HPSE2: variants seen among roughly 807,000 people sequenced by gnomAD.
The protein encoded by HPSE2 is heparanase 2 (inactive), also known as inactive heparanase-2.
Under a neutral mutation model 60.5 loss-of-function variants are expected in HPSE2, and 38 were observed. The observed-to-expected ratio is 0.63, with a 90% CI of 0.48 to 0.82. The LOEUF (loss-of-function observed/expected upper bound fraction) is 0.82, where lower values mean the gene tolerates loss of function less well. HPSE2 is among the 40% of genes least tolerant of loss of function. The probability of loss-of-function intolerance (pLI) is 0.00; values close to 1 mark genes in which losing one functional copy is unlikely to be tolerated. For synonymous variants in HPSE2, 295 were observed against 293.2 expected (o/e 1.01, Z -0.06); for missense variants, 713 against 740.4 (o/e 0.96, Z 0.43).
intron 3 of HPSE2, among the ~76,000 whole-genome samples, chr10:99,125,058 G>C (rs1845111916): frequency 6.6e-6 from 1 of 152,246 alleles, no homozygotes; most frequent in Non-Finnish European, 1.5e-5. Context: ...TAAGCACTCA[G>C]CAAATGCTGT....
chr10:98,938,602 C>T (rs1360251369), intron 3 of HPSE2, among the ~76,000 whole-genome samples: 15 of 144,014 alleles, frequency 1.0e-4, no homozygotes, highest in Non-Finnish European at 1.8e-4. Context: ...ACCAAATCTA[C>T]GTCTGATTGG....
At chr10:99,291,104 T>C in the HPSE2 span, among the ~76,000 whole-genome samples, 1 of 152,106 alleles carries the variant, frequency 6.6e-6, no homozygotes, top group African/African-American at 2.4e-5. Flanking sequence ...GAAAGAATAC[T>C]GGGGAGGAAA....
chr10:98,565,789 A>C (rs1383974559), intron 9 of HPSE2, among the ~76,000 whole-genome samples: 1 of 152,180 alleles, frequency 6.6e-6, no homozygotes, highest in African/African-American at 2.4e-5. Context: ...AACACTTAAT[A>C]GGTATACTAG....
chr10:99,150,925 T>C (rs544034341), intron 2 of HPSE2, among the ~76,000 whole-genome samples: 2 of 152,156 alleles, frequency 1.3e-5, no homozygotes, highest in South Asian at 4.2e-4. Context: ...GGGTCCAAAA[T>C]GTTTTAAACA....
chr10:98,998,984 A>G (rs760720704), intron 3 of HPSE2, among the ~76,000 whole-genome samples: 10 of 152,206 alleles, frequency 6.6e-5, no homozygotes, highest in Non-Finnish European at 1.2e-4. Context: ...ACATTTATCT[A>G]TTATTGCTTG....
intron 9 of HPSE2, among the ~76,000 whole-genome samples, chr10:98,580,850 G>A (rs375425547): frequency 2.0e-5 from 2 of 99,178 alleles, no homozygotes; most frequent in Non-Finnish European, 2.3e-5. Context: ...GTGTGTGTGT[G>A]TGTGTGTGTG....
chr10:98,597,698 G>A (rs559343594), intron 9 of HPSE2, among the ~76,000 whole-genome samples: 10 of 148,094 alleles, frequency 6.8e-5, no homozygotes, highest in South Asian at 2.2e-4. Flanking sequence ...TTGCTCATCC[G>A]CATGTGTTGA....
At chr10:98,478,929 A>G (rs1043794729) in intron 11 of HPSE2, among the ~76,000 whole-genome samples, 1 of 152,166 alleles carries the variant, frequency 6.6e-6, no homozygotes, top group African/African-American at 2.4e-5. Flanking sequence ...GGGGGGTCTT[A>G]CGATTGGTTC....
chr10:98,753,308 T>C (rs953409648), intron 3 of HPSE2, among the ~76,000 whole-genome samples: 10 of 152,136 alleles, frequency 6.6e-5, no homozygotes, highest in African/African-American at 2.4e-4. Flanking sequence ...GGTGGGAATG[T>C]AAAATGCTGC....
chr10:98,808,956 C>T lies in HPSE2; in HGVS notation c.611-64900G>A, dbSNP rs183969413. Among the ~76,000 whole-genome samples, 32 of 152,212 alleles carry T rather than the reference C, an allele frequency of 2.1e-4. No homozygotes were observed. In the East Asian group the frequency reaches 4.3e-3, roughly 20 times the overall value. On this transcript the variant is annotated intron_variant, in intron 3 of 11. Coordinates refer to ENST00000370552, the MANE Select transcript of HPSE2 (RefSeq NM_021828.5). ...ATGACTGGCTTCTATTAAAACCAATCCCCCAGCAATACAAAACAGCTAATT... is the reference window on the plus strand; with the variant it reads ...ATGACTGGCTTCTATTAAAACCAATTCCCCAGCAATACAAAACAGCTAATT...
At chr10:98,733,113 A>G (rs1010326874) in intron 4 of HPSE2, among the ~76,000 whole-genome samples, 1 of 151,786 alleles carries the variant, frequency 6.6e-6, no homozygotes, top group Admixed American at 6.6e-5. Context: ...TTCATCTGTT[A>G]TTTACTATTG....
At chr10:98,833,340 G>A (rs999872914) in intron 3 of HPSE2, among the ~76,000 whole-genome samples, 1 of 152,140 alleles carries the variant, frequency 6.6e-6, no homozygotes, top group South Asian at 2.1e-4. Flanking sequence ...GATTGGTTTA[G>A]AGCATAGATA....
chr10:98,978,477 A>G (rs1956137075), intron 3 of HPSE2, among the ~76,000 whole-genome samples: 2 of 152,180 alleles, frequency 1.3e-5, no homozygotes, highest in African/African-American at 4.8e-5. Flanking sequence ...AATGAAAACA[A>G]CAATAACAAC....
At chr10:99,152,078 G>A (rs537087050) in intron 2 of HPSE2, among the ~76,000 whole-genome samples, 29 of 151,978 alleles carry the variant, frequency 1.9e-4, no homozygotes, top group African/African-American at 5.8e-4. Context: ...TTGGGAGGCC[G>A]AGGCGGGCAG....
At chr10:98,585,217 A>G (rs2133930328) in intron 9 of HPSE2, among the ~76,000 whole-genome samples, 1 of 152,162 alleles carries the variant, frequency 6.6e-6, no homozygotes, top group East Asian at 1.9e-4. Flanking sequence ...ATCAGTAAGA[A>G]AGGTACCAAG....
chr10:99,090,154 C>A (rs1400647151), intron 3 of HPSE2, among the ~76,000 whole-genome samples: 2 of 152,038 alleles, frequency 1.3e-5, no homozygotes, highest in African/African-American at 4.8e-5. Flanking sequence ...GATCTGGATG[C>A]CCTTTACTTC....
At chr10:99,279,071 T>C in the HPSE2 span, among the ~76,000 whole-genome samples, 6 of 150,602 alleles carry the variant, frequency 4.0e-5, no homozygotes, top group Non-Finnish European at 5.9e-5. Context: ...GTTGAGCTCA[T>C]ATGGATTCCC....
At chr10:98,676,279 T>A (rs375081992) in intron 6 of HPSE2, among the ~76,000 whole-genome samples, 7 of 152,306 alleles carry the variant, frequency 4.6e-5, no homozygotes, top group Admixed American at 2.0e-4. Flanking sequence ...TGAACAGAGC[T>A]GGAGTTTGCT....
chr10:99,037,036 T>G (rs1443235435), intron 3 of HPSE2, among the ~76,000 whole-genome samples: 1 of 152,110 alleles, frequency 6.6e-6, no homozygotes, highest in East Asian at 1.9e-4. Context: ...TGAAATGATG[T>G]AAAGAGAAAG....
Sources: allele counts gnomAD v4.1 joint callset (sites outside exome capture counted in the v4.1 genomes callset), GRCh38; gene constraint gnomAD v4.1.1; transcripts MANE v1.5; gene names NCBI Gene and HGNC (gene_info 2026-07-23, HGNC 2026-07-21).